Variants in FBXO34 observed in about 807,000 individuals in gnomAD.
FBXO34 encodes the protein F-box only protein 34.
Under a neutral mutation model 24.5 loss-of-function variants are expected in FBXO34, and 12 were observed. That is an observed-to-expected ratio of 0.49 (90% CI 0.31 to 0.79). FBXO34 has a LOEUF of 0.79. FBXO34 is among the 30% of genes least tolerant of loss of function. FBXO34 has a pLI of 0.04. For synonymous variants in FBXO34, 320 were observed against 311.9 expected (o/e 1.03, Z -0.27); for missense variants, 823 against 857.7 (o/e 0.96, Z 0.51).
chr14:55,344,355 G>C (rs1019883797), intron 1 of FBXO34, among the ~76,000 whole-genome samples: 2 of 151,750 alleles, frequency 1.3e-5, no homozygotes, highest in Admixed American at 1.3e-4. Flanking sequence ...GTAATACATG[G>C]TCATTGTGAA....
chr14:55,375,490 A>AATTTTTTTTT, the FBXO34 span, among the ~76,000 whole-genome samples: 1 of 117,798 alleles, frequency 8.5e-6, no homozygotes. Context: ...GCCGGGCTAA[A>AATTTTTTTTT]TTTTTTTTTT....
intron 1 of FBXO34, among the ~76,000 whole-genome samples, chr14:55,315,541 G>A (rs967660541): frequency 6.6e-6 from 1 of 152,078 alleles, no homozygotes; most frequent in African/African-American, 2.4e-5. Flanking sequence ...CCTGTGAAAG[G>A]GTTTATGTAA....
intron 1 of FBXO34, among the ~76,000 whole-genome samples, chr14:55,316,764 C>A (rs1332280273): frequency 6.6e-6 from 1 of 151,242 alleles, no homozygotes; most frequent in Admixed American, 6.6e-5. Context: ...AAGACGGCAA[C>A]AGCAGAGCAT....
intron 1 of FBXO34, among the ~76,000 whole-genome samples, chr14:55,349,228 A>G (rs1199015031): frequency 6.6e-6 from 1 of 151,962 alleles, no homozygotes; most frequent in African/African-American, 2.4e-5. Context: ...AGACCGAGAG[A>G]GGAAGTGACT....
the FBXO34 span, among the ~76,000 whole-genome samples, chr14:55,437,243 G>A: frequency 6.6e-6 from 1 of 152,280 alleles, no homozygotes; most frequent in Non-Finnish European, 1.5e-5. Context: ...TTGGAAGGCT[G>A]AGGCAGGCGG....
chr14:55,345,482 T>C (rs984777636), intron 1 of FBXO34, among the ~76,000 whole-genome samples: 1 of 152,230 alleles, frequency 6.6e-6, no homozygotes, highest in Non-Finnish European at 1.5e-5. Context: ...GACCTGTTCC[T>C]ATACCCTCAG....
At chr14:55,321,164 GT>G (rs11454602) in intron 1 of FBXO34, among the ~76,000 whole-genome samples, 91 of 140,846 alleles carry the variant, frequency 6.5e-4, no homozygotes, top group Admixed American at 1.1e-3. Context: ...GATATGGGCG[GT>G]TTTTTTTTTT....
At chr14:55,391,586 G>T in the FBXO34 span, among the ~76,000 whole-genome samples, 8,856 of 152,144 alleles carry the variant, frequency 0.058, 326 homozygotes, top group South Asian at 0.089. Flanking sequence ...ACCCGCTCTA[G>T]CTATATAGCT....
chr14:55,280,527 CT>C lies in FBXO34; in HGVS notation c.-11+9007del, dbSNP rs77678519. The stretch of plus-strand genomic sequence containing the variant: ...ATACTACACCATTTTATATCAGGAA[CT>C]TTTTTTTTTTTTTTTTGAGATGGAG... On this transcript the variant is annotated intron_variant, in intron 1 of 1. Coordinates refer to ENST00000313833, the MANE Select transcript of FBXO34 (RefSeq NM_017943.4). 1.4e-3 allele frequency among the ~76,000 whole-genome samples: 180 copies of C among 125,866 alleles called. 1 individual carries two copies. Among genetic ancestry groups the C allele is most frequent in the Admixed American group, 4.8e-3 (58 of 12,092 alleles). The allele number at this position is 125,866 out of a possible 152,430, so 82.6% of individuals were successfully genotyped here.
chr14:55,416,815 A>G, the FBXO34 span, among the ~76,000 whole-genome samples: 2 of 152,198 alleles, frequency 1.3e-5, no homozygotes, highest in African/African-American at 4.8e-5. Flanking sequence ...CCCCTCTCCC[A>G]AAATCCCCAA....
At chr14:55,374,315 T>TGA (rs1884879375), downstream of FBXO34, among the ~76,000 whole-genome samples, 2 of 152,228 alleles carry the variant, frequency 1.3e-5, no homozygotes, top group African/African-American at 4.8e-5. Context: ...CTCCAACTCC[T>TGA]GAGCTCAAGT....
the FBXO34 span, among the ~76,000 whole-genome samples, chr14:55,433,879 T>C: frequency 6.6e-6 from 1 of 152,212 alleles, no homozygotes. Context: ...AAAATAATGA[T>C]GATTCTAAAA....
At chr14:55,392,294 T>G in the FBXO34 span, among the ~76,000 whole-genome samples, 1 of 152,112 alleles carries the variant, frequency 6.6e-6, no homozygotes, top group African/African-American at 2.4e-5. Flanking sequence ...CACAGCCCAG[T>G]AGGTATATGT....
At chr14:55,412,324 C>T in the FBXO34 span, among the ~76,000 whole-genome samples, 1 of 152,182 alleles carries the variant, frequency 6.6e-6, no homozygotes, top group African/African-American at 2.4e-5. Flanking sequence ...TGCGCCTGTT[C>T]TCTCGTGTTA....
intron 1 of FBXO34, chr14:55,325,855 T>C (rs1258023014): frequency 6.6e-6 from 1 of 152,202 alleles, no homozygotes; most frequent in African/African-American, 2.4e-5. Flanking sequence ...TACTCTATAA[T>C]TGGTTCTGCT....
chr14:55,331,833 A>G lies in FBXO34; in HGVS notation c.-10-18548A>G, dbSNP rs1485520255. Among the ~76,000 whole-genome samples, 2 of 51,982 alleles carry G rather than the reference A, an allele frequency of 3.8e-5. 1 individual carries two copies. Among genetic ancestry groups the G allele is most frequent in the Non-Finnish European group, 7.1e-5 (2 of 28,342 alleles). 34.1% of individuals were successfully genotyped at this position (51,982 alleles called of 152,430 possible). On this transcript the variant is annotated intron_variant, in intron 1 of 1. Transcript: ENST00000313833. ...ATATATACACCACCGGGGTGTATAT[A>G]TAAAAATATATATATACACCACCGG... is the stretch of plus-strand genomic sequence containing the variant.
chr14:55,408,039 C>A, the FBXO34 span, among the ~76,000 whole-genome samples: 2 of 152,098 alleles, frequency 1.3e-5, no homozygotes, highest in African/African-American at 2.4e-5. Flanking sequence ...TATTTGAGTG[C>A]GTAATACATT....
chr14:55,329,805 C>T (rs906179659), intron 1 of FBXO34, among the ~76,000 whole-genome samples: 4 of 151,974 alleles, frequency 2.6e-5, no homozygotes, highest in Admixed American at 2.6e-4. Context: ...CTTACTATTC[C>T]TCTTTTCCTA....
intron 1 of FBXO34, among the ~76,000 whole-genome samples, chr14:55,296,391 G>GTTTTTTTTTTTTTTTTTTTTTTTT (rs1167344634): frequency 1.1e-4 from 7 of 64,752 alleles, no homozygotes; most frequent in Admixed American, 1.9e-4. Flanking sequence ...TGTTTTTTTT[G>GTTTTTTTTTTTTTTTTTTTTTTTT]TTTTTTTTTT....
Sources: gnomAD v4.1 joint callset for allele counts (sites outside exome capture counted in the v4.1 genomes callset) on GRCh38, gnomAD v4.1.1 for gene constraint, MANE v1.5 for transcripts, NCBI Gene and HGNC (gene_info 2026-07-23, HGNC 2026-07-21) for gene names.